TIAM1: variants seen among roughly 807,000 people sequenced by gnomAD.
TIAM1 encodes rho guanine nucleotide exchange factor TIAM1.
In TIAM1, 65 loss-of-function variants were observed where a neutral mutation model predicts 163.5. The ratio of observed to expected loss-of-function variants is 0.40; its 90% CI spans 0.33 to 0.49. The LOEUF is 0.49. TIAM1 is among the 20% of genes least tolerant of loss of function. TIAM1 has a pLI of 0.77. For missense variants in TIAM1, 1,789 were observed against 2,044.7 expected, an observed-to-expected ratio of 0.87 and a Z score of 2.41; for synonymous variants, 833 against 810.1, an observed-to-expected ratio of 1.03 and a Z score of -0.48.
intron 2 of TIAM1, among the ~76,000 whole-genome samples, chr21:31,315,912 C>T (rs535199772): frequency 4.5e-4 from 69 of 151,950 alleles, no homozygotes; most frequent in Non-Finnish European, 8.8e-4. Context: ...GGGAGGCGGA[C>T]GTTGCAGTGA....
chr21:31,482,122 T>C (rs1465608338), intron 1 of TIAM1, among the ~76,000 whole-genome samples: 2 of 150,128 alleles, frequency 1.3e-5, no homozygotes, highest in Non-Finnish European at 3.0e-5. Flanking sequence ...CACACATATA[T>C]ATTTATATAC....
chr21:31,253,628 G>T (rs574116417), intron 4 of TIAM1, among the ~76,000 whole-genome samples: 61 of 152,300 alleles, frequency 4.0e-4, no homozygotes, highest in Middle Eastern at 3.4e-3. Context: ...GGCAGCAGGA[G>T]ATTGCTGGGT....
chr21:31,465,517 C>A (rs967500839), intron 1 of TIAM1, among the ~76,000 whole-genome samples: 5 of 151,220 alleles, frequency 3.3e-5, no homozygotes, highest in African/African-American at 1.2e-4. Context: ...GGCTTCTTAA[C>A]AAGGAGAACC....
intron 12 of TIAM1, among the ~76,000 whole-genome samples, chr21:31,196,112 C>T (rs536326088): frequency 8.0e-4 from 121 of 152,098 alleles, no homozygotes; most frequent in Non-Finnish European, 1.4e-3. Flanking sequence ...AAGACATGAA[C>T]GGGCACTTCT....
Position 31,266,300 on chromosome 21 carries a change from T to C in TIAM1, c.673A>G (p.Thr225Ala). Residue 225 changes from threonine (T) to alanine (A), a missense_variant, in exon 4 of 28, where the codon ACC becomes GCC. Coordinates refer to ENST00000541036, the MANE Select transcript of TIAM1 (RefSeq NM_001353694.2). The stretch of plus-strand genomic sequence containing the variant: ...CCCAAGGAATTGGCTCTCTGACAGG[T>C]GCTGAGCTGCCGCGGACTCGCCCGC... ...ETRASPRQLS[T>A]CQRANSLGDL... is the part of the protein sequence containing the mutation. 6.2e-7 allele frequency: 1 copy of C among 1,614,210 alleles called. No individual in the cohort carries two copies. Among genetic ancestry groups the C allele is most frequent in the Non-Finnish European group, 8.5e-7 (1 of 1,180,040 alleles).
Position 31,146,988 on chromosome 21 carries a change from G to A in TIAM1, c.3382C>T (p.Leu1128=), listed in dbSNP as rs1344857159. ...GCATAATACAGGAATGATCCCCCCA[G>A]AGAGAACAGCACTTTCTGGATTTGA... ...VDQFKKVLFS[L]GGSFLYYADR... is the part of the protein sequence containing the mutation. Residue 1128 remains leucine, a synonymous_variant, in exon 20 of 28, where the codon CTG becomes TTG. Transcript: ENST00000541036. 2 of 1,613,872 alleles carry A rather than the reference G, an allele frequency of 1.2e-6. No individual in the cohort carries two copies. The highest frequency in any genetic ancestry group is 1.1e-5 in the South Asian group (1 of 91,042).
intron 15 of TIAM1, among the ~76,000 whole-genome samples, chr21:31,179,547 A>T (rs1325997300): frequency 1.2e-5 from 1 of 86,070 alleles, no homozygotes; most frequent in African/African-American, 9.5e-5. Context: ...CGCTTAATTG[A>T]AAAAAAAAAA....
Position 31,209,960 on chromosome 21 carries a change from G to A in TIAM1, c.2388+85C>T, listed in dbSNP as rs561512217. 133 of 1,449,028 alleles carry A rather than the reference G, an allele frequency of 9.2e-5. No individual in the cohort carries two copies. In the South Asian group the frequency reaches 1.7e-3, roughly 18 times the overall value. The allele number at this position is 1,449,028 out of a possible 1,614,324, so 89.8% of individuals were successfully genotyped here. ...TTTTAAGCACCTTCCTCTCCCACAC[G>A]GCTCTGGGTTTCCACATGTGCCTTA... On this transcript the variant is annotated intron_variant, in intron 11 of 27. Coordinates refer to ENST00000541036, the MANE Select transcript of TIAM1 (RefSeq NM_001353694.2).
intron 1 of TIAM1, among the ~76,000 whole-genome samples, chr21:31,479,495 G>A (rs1420621965): frequency 6.6e-6 from 1 of 152,132 alleles, no homozygotes; most frequent in African/African-American, 2.4e-5. Flanking sequence ...ATGAGCGGCA[G>A]AGGTCTGCTG....
chr21:31,505,290 C>G (rs1186451292), intron 1 of TIAM1, among the ~76,000 whole-genome samples: 1 of 152,146 alleles, frequency 6.6e-6, no homozygotes, highest in Non-Finnish European at 1.5e-5. Context: ...AAGCTTAGCT[C>G]TCTACAGGAG....
At position 31,245,639 on chromosome 21, in the gene TIAM1, T is replaced by G. The variant is rs766334081; in HGVS notation, c.1433A>C (p.Glu478Ala). The G allele has an allele frequency of 2.8e-5, 45 of 1,582,784 alleles. No individual in the cohort carries two copies. The highest frequency in any genetic ancestry group is 3.9e-5 in the Non-Finnish European group (45 of 1,164,772). The change falls in exon 6 of 28, where the codon GAG (glutamate) becomes GCG (alanine). Residue 478 changes from glutamate to alanine, a missense_variant. Coordinates refer to ENST00000541036, the MANE Select transcript of TIAM1 (RefSeq NM_001353694.2). ...GTCTATCCCAGACCTGCCGTCGCTCTCGTAGAAAAATAGCGTGCATCCTGA... is the reference window on the plus strand; with the variant it reads ...GTCTATCCCAGACCTGCCGTCGCTCGCGTAGAAAAATAGCGTGCATCCTGA... ...SLKGCTLFFY[E>A]SDGRSGIDHN...
chr21:31,306,104 C>CAAG, intron 2 of TIAM1, among the ~76,000 whole-genome samples: 1 of 143,094 alleles, frequency 7.0e-6, no homozygotes, highest in Middle Eastern at 3.6e-3. Flanking sequence ...GGCAACCCAC[C>CAAG]AAGACCTCAT....
Position 31,141,648 on chromosome 21 carries a change from G to C in TIAM1, c.3476-144C>G. On this transcript the variant is annotated intron_variant, in intron 20 of 27. Coordinates refer to ENST00000541036, the MANE Select transcript of TIAM1 (RefSeq NM_001353694.2). The surrounding 1 kb of genome is among the most constrained non-coding windows in gnomAD (Gnocchi z 4.7). ...GGTGGCAGGAAGAGGGACAGGTAGG[G>C]GAGGGGGCAGTCAGGGAGACCACAG... 1 of 850,968 alleles carries C rather than the reference G, an allele frequency of 1.2e-6. No individual in the cohort carries two copies. Among genetic ancestry groups the C allele is most frequent in the Non-Finnish European group, 1.8e-6 (1 of 549,858 alleles). 52.7% of individuals were successfully genotyped at this position (850,968 alleles called of 1,614,324 possible).
chr21:31,172,390 C>A (rs906335071), intron 15 of TIAM1, among the ~76,000 whole-genome samples: 5 of 152,086 alleles, frequency 3.3e-5, no homozygotes, highest in East Asian at 1.9e-4. Context: ...AGTAGGTGAG[C>A]GGCTTTCCCC....
chr21:31,278,756 T>G (rs2073414564), intron 2 of TIAM1, among the ~76,000 whole-genome samples: 2 of 152,170 alleles, frequency 1.3e-5, no homozygotes, highest in South Asian at 4.1e-4. Context: ...ACCCCATTAT[T>G]ACCCCACAAT....
chr21:31,288,246 A>G (rs959294100), intron 2 of TIAM1, among the ~76,000 whole-genome samples: 25 of 152,206 alleles, frequency 1.6e-4, no homozygotes, highest in African/African-American at 6.0e-4. Context: ...TTAAAAAACA[A>G]AAACAAACAA....
intron 2 of TIAM1, among the ~76,000 whole-genome samples, chr21:31,370,545 T>C (rs995978267): frequency 2.0e-5 from 3 of 152,148 alleles, no homozygotes; most frequent in African/African-American, 7.2e-5. Flanking sequence ...CAGGTTGATA[T>C]TCCCTGAAGG....
chr21:31,291,609 C>T (rs1485814833), intron 2 of TIAM1, among the ~76,000 whole-genome samples: 1 of 152,194 alleles, frequency 6.6e-6, no homozygotes. Context: ...CTGCAACCTC[C>T]ACTCCCAGGT....
intron 15 of TIAM1, among the ~76,000 whole-genome samples, chr21:31,174,517 TGCCATAGGCCTGCTGTTA>T (rs1341734033): frequency 5.3e-5 from 8 of 152,310 alleles, no homozygotes; most frequent in Non-Finnish European, 1.2e-4. Context: ...GCCTTTAACA[TGCCATAGGCCTGCTGTTA>T]GCCACACGCA....
Sources: gnomAD v4.1 joint callset for allele counts (sites outside exome capture counted in the v4.1 genomes callset) on GRCh38, gnomAD v4.1.1 for gene constraint, Gnocchi (gnomAD v3.1) non-coding constraint, MANE v1.5 for transcripts, NCBI Gene and HGNC (gene_info 2026-07-23, HGNC 2026-07-21) for gene names.